PFKFB3: variants seen among roughly 807,000 people sequenced by gnomAD.
The protein encoded by PFKFB3 is 6-phosphofructo-2-kinase/fructose-2,6-bisphosphatase 3.
A neutral mutation model predicts 68.0 loss-of-function variants in PFKFB3; 33 were observed. The observed-to-expected ratio is 0.49, with a 90% CI of 0.37 to 0.65. The LOEUF (loss-of-function observed/expected upper bound fraction) is 0.65, where lower values mean the gene tolerates loss of function less well. PFKFB3 is among the 30% of genes least tolerant of loss of function. The pLI is 0.00. For missense variants in PFKFB3, 586 were observed against 712.2 expected (o/e 0.82, Z 2.02); for synonymous variants, 315 against 288.2 (o/e 1.09, Z -0.94).
At chr10:6,163,875 C>G (rs1169878790) in intron 1 of PFKFB3, 1 of 152,222 alleles carries the variant, frequency 6.6e-6, no homozygotes, top group Admixed American at 6.5e-5. Context: ...GACTGTCCGG[C>G]TCGTGAGCTC....
upstream of PFKFB3, among the ~76,000 whole-genome samples, chr10:6,199,671 T>C (rs1247566926): frequency 7.1e-6 from 1 of 141,090 alleles, no homozygotes; most frequent in East Asian, 2.1e-4. Context: ...TTTTTTTTTT[T>C]TTTTTTTTTT....
chr10:6,237,316 G>A (rs1406157432), downstream of PFKFB3, among the ~76,000 whole-genome samples: 1 of 152,248 alleles, frequency 6.6e-6, no homozygotes, highest in Non-Finnish European at 1.5e-5. Flanking sequence ...TCGTCCATAC[G>A]GACCTGGCCC....
chr10:6,245,510 A>G, intron 14 of PFKFB3, among the ~76,000 whole-genome samples: 1 of 151,334 alleles, frequency 6.6e-6, no homozygotes, highest in Non-Finnish European at 1.5e-5. Flanking sequence ...TCAACTTCCT[A>G]GGTTCAAGGG....
intron 1 of PFKFB3, among the ~76,000 whole-genome samples, chr10:6,192,583 G>A (rs1385517447): frequency 1.3e-5 from 2 of 152,022 alleles, no homozygotes; most frequent in Admixed American, 6.6e-5. Flanking sequence ...CCAGCAGAAC[G>A]TGATCTGGGT....
chr10:6,150,942 G>A (rs1471807448), intron 1 of PFKFB3, among the ~76,000 whole-genome samples: 1 of 152,068 alleles, frequency 6.6e-6, no homozygotes, highest in Non-Finnish European at 1.5e-5. Context: ...GGAGATTGCA[G>A]TGAGCCAAGA....
intron 1 of PFKFB3, among the ~76,000 whole-genome samples, chr10:6,210,059 T>G (rs1184475700): frequency 1.3e-5 from 1 of 74,460 alleles, no homozygotes; most frequent in Non-Finnish European, 4.0e-5. Flanking sequence ...GCCTAATACT[T>G]ATCTTTTCTA....
intron 1 of PFKFB3, among the ~76,000 whole-genome samples, chr10:6,182,790 G>A (rs1842754942): frequency 6.6e-6 from 1 of 152,234 alleles, no homozygotes; most frequent in South Asian, 2.1e-4. Flanking sequence ...AAATCCAAAT[G>A]CAGTGAAGTT....
chr10:6,286,004 G>A, the PFKFB3 span, among the ~76,000 whole-genome samples: 1 of 120,646 alleles, frequency 8.3e-6, no homozygotes, highest in South Asian at 2.7e-4. Flanking sequence ...TTGAGATGGA[G>A]TCTCGCTCTG....
chr10:6,189,401 G>T (rs1390700282), intron 1 of PFKFB3, among the ~76,000 whole-genome samples: 1 of 151,920 alleles, frequency 6.6e-6, no homozygotes, highest in Non-Finnish European at 1.5e-5. Flanking sequence ...TTAGAACTTG[G>T]GTCCATCTGT....
the PFKFB3 span, among the ~76,000 whole-genome samples, chr10:6,264,538 T>C: frequency 6.6e-6 from 1 of 152,094 alleles, no homozygotes; most frequent in Non-Finnish European, 1.5e-5. Context: ...GTAGATGTAT[T>C]ACACCTATTT....
At chr10:6,227,310 C>T (rs1241058595) in intron 14 of PFKFB3, among the ~76,000 whole-genome samples, 2 of 152,196 alleles carry the variant, frequency 1.3e-5, no homozygotes, top group Admixed American at 1.3e-4. Context: ...TCTGCCCTAC[C>T]TCCACCCTCC....
At chr10:6,192,857 T>C (rs1843071361) in intron 1 of PFKFB3, among the ~76,000 whole-genome samples, 2 of 152,214 alleles carry the variant, frequency 1.3e-5, no homozygotes, top group South Asian at 2.1e-4. Context: ...GTTGACCTAA[T>C]ACTTTATAGT....
intron 14 of PFKFB3, among the ~76,000 whole-genome samples, chr10:6,250,050 A>C (rs1480125354): frequency 6.6e-6 from 1 of 152,210 alleles, no homozygotes; most frequent in Non-Finnish European, 1.5e-5. Flanking sequence ...TCCTGGAAGC[A>C]TATTGCATCA....
chr10:6,177,424 C>T (rs10905954), intron 1 of PFKFB3, among the ~76,000 whole-genome samples: 1,026 of 32,352 alleles, frequency 0.032, 2 homozygotes, highest in Middle Eastern at 0.061. Flanking sequence ...TCTCTTTCTT[C>T]CTTTCTTTTC....
downstream of PFKFB3, among the ~76,000 whole-genome samples, chr10:6,236,908 G>T (rs1023800170): frequency 6.6e-6 from 1 of 152,194 alleles, no homozygotes; most frequent in African/African-American, 2.4e-5. Context: ...GTAACCGGGT[G>T]GATGCTGTCG....
chr10:6,188,066 T>TGTGTAC (rs1356538664), intron 1 of PFKFB3, among the ~76,000 whole-genome samples: 1 of 152,034 alleles, frequency 6.6e-6, no homozygotes, highest in African/African-American at 2.4e-5. Context: ...TGGATATATG[T>TGTGTAC]GTGTACGTGT....
chr10:6,224,541 C>T (rs775724495), intron 13 of PFKFB3: 34 of 481,190 alleles, frequency 7.1e-5, no homozygotes, highest in African/African-American at 1.2e-4. Flanking sequence ...AGTGCGGTGG[C>T]GCAGTCACGG....
the PFKFB3 span, among the ~76,000 whole-genome samples, chr10:6,277,220 TTTTTTC>T: frequency 6.6e-6 from 1 of 151,808 alleles, no homozygotes; most frequent in Non-Finnish European, 1.5e-5. Context: ...TCTTTCTTTC[TTTTTTC>T]TTTTTCTTTT....
intron 14 of PFKFB3, chr10:6,231,442 T>C: frequency 6.6e-7 from 1 of 1,515,186 alleles, no homozygotes; most frequent in South Asian, 1.3e-5. Context: ...TGCAACACCA[T>C]TGTCGTGAGG....
Sources: allele counts gnomAD v4.1 joint callset (sites outside exome capture counted in the v4.1 genomes callset), GRCh38; gene constraint gnomAD v4.1.1; transcripts MANE v1.5; gene names NCBI Gene and HGNC (gene_info 2026-07-23, HGNC 2026-07-21).